ASTN2: variants seen among roughly 807,000 people sequenced by gnomAD.
The protein encoded by ASTN2 is astrotactin-2.
Under a neutral mutation model 139.8 loss-of-function variants are expected in ASTN2, and 54 were observed. The ratio of observed to expected loss-of-function variants is 0.39; its 90% CI spans 0.31 to 0.48. The LOEUF is 0.48. ASTN2 is among the 20% of genes least tolerant of loss of function. The probability of loss-of-function intolerance (pLI) is 0.95; values close to 1 mark genes in which losing one functional copy is unlikely to be tolerated. For synonymous variants in ASTN2, 756 were observed against 719.5 expected (o/e 1.05, Z -0.81); for missense variants, 1,565 against 1,725.1 (o/e 0.91, Z 1.64).
chr9:117,003,953 C>CGCGCGCGCGCGCGCGCGTGTGTGTGTGT (rs1218309835), intron 7 of ASTN2, among the ~76,000 whole-genome samples: 2 of 146,226 alleles, frequency 1.4e-5, no homozygotes, highest in African/African-American at 5.2e-5. Flanking sequence ...CGCGCGCGCG[C>CGCGCGCGCGCGCGCGCGTGTGTGTGTGT]GTGTGTGTGT....
intron 10 of ASTN2, among the ~76,000 whole-genome samples, chr9:116,901,024 AG>A (rs1336873066): frequency 6.6e-6 from 1 of 152,182 alleles, no homozygotes; most frequent in Non-Finnish European, 1.5e-5. Context: ...AGTTAAACAT[AG>A]AATGAGTGGC....
intron 19 of ASTN2, among the ~76,000 whole-genome samples, chr9:116,530,147 ATAT>A (rs1564345850): frequency 2.9e-3 from 74 of 25,422 alleles, no homozygotes; most frequent in Non-Finnish European, 3.1e-3. Context: ...ATATATATAT[ATAT>A]AAAATAGAAT....
At chr9:116,840,259 G>C (rs201071444) in intron 11 of ASTN2, among the ~76,000 whole-genome samples, 28 of 150,010 alleles carry the variant, frequency 1.9e-4, no homozygotes, top group East Asian at 1.5e-3. Context: ...AAAATGAAAA[G>C]TCTCCCATGT....
Position 117,311,350 on chromosome 9 carries a change from G to A in ASTN2, c.443-19837C>T, listed in dbSNP as rs548140791. On this transcript the variant is annotated intron_variant, in intron 1 of 22. Transcript: ENST00000313400. ...TCTCCGGCAGACCCTGTTAGTGACC[G>A]GTCTGGAATGATTTTCAGAGCCCTG... Among the ~76,000 whole-genome samples, 22 of 152,142 alleles carry A rather than the reference G, an allele frequency of 1.4e-4. No homozygotes were observed. The East Asian group carries it at 1.7e-3, about 12-fold the overall frequency.
intron 19 of ASTN2, among the ~76,000 whole-genome samples, chr9:116,490,753 G>A (rs762089790): frequency 1.3e-5 from 2 of 152,004 alleles, no homozygotes; most frequent in Non-Finnish European, 2.9e-5. Context: ...GAACAGCATG[G>A]GGTAACCACC....
chr9:116,664,811 C>T (rs1030519525), intron 16 of ASTN2, among the ~76,000 whole-genome samples: 1 of 152,032 alleles, frequency 6.6e-6, no homozygotes, highest in East Asian at 1.9e-4. Flanking sequence ...AAATGATCTG[C>T]GAATCTAGAC....
At chr9:116,783,465 T>C (rs903253779) in intron 13 of ASTN2, among the ~76,000 whole-genome samples, 1 of 152,120 alleles carries the variant, frequency 6.6e-6, no homozygotes, top group African/African-American at 2.4e-5. Flanking sequence ...CATGGCTCTG[T>C]CTTGGGAGTG....
At chr9:117,058,974 T>A (rs1313854700) in intron 5 of ASTN2, among the ~76,000 whole-genome samples, 1 of 152,168 alleles carries the variant, frequency 6.6e-6, no homozygotes, top group Non-Finnish European at 1.5e-5. Flanking sequence ...GGCCAGTTAA[T>A]GAGTTTGATC....
chr9:117,333,354 G>A (rs915717330), intron 1 of ASTN2, among the ~76,000 whole-genome samples: 1 of 152,062 alleles, frequency 6.6e-6, no homozygotes, highest in Non-Finnish European at 1.5e-5. Context: ...TCTTGCAAAG[G>A]AAAATTTAAT....
intron 18 of ASTN2, 110 bp downstream of exon 18, chr9:116,620,200 T>A: frequency 6.7e-7 from 1 of 1,496,318 alleles, no homozygotes; most frequent in Middle Eastern, 2.1e-4. Flanking sequence ...TCTTTGAGGA[T>A]CTTGTTAGGC....
intron 16 of ASTN2, among the ~76,000 whole-genome samples, chr9:116,668,672 G>A (rs1859016450): frequency 6.6e-6 from 1 of 152,190 alleles, no homozygotes; most frequent in African/African-American, 2.4e-5. Context: ...GAATAAAGCT[G>A]ATATAAATAT....
intron 3 of ASTN2, among the ~76,000 whole-genome samples, chr9:117,191,227 C>CAAAAAAAAAA (rs35328157): frequency 3.2e-5 from 2 of 62,484 alleles, no homozygotes; most frequent in African/African-American, 5.6e-5. Flanking sequence ...TACAAAATAG[C>CAAAAAAAAAA]AAAAAAAAAA....
At chr9:116,742,205 A>T (rs1234065969) in intron 13 of ASTN2, among the ~76,000 whole-genome samples, 1 of 152,234 alleles carries the variant, frequency 6.6e-6, no homozygotes, top group Admixed American at 6.5e-5. Context: ...CAAGCTGGAC[A>T]ATAGTTTCAA....
intron 2 of ASTN2, among the ~76,000 whole-genome samples, chr9:117,245,040 G>C (rs908281921): frequency 8.6e-5 from 13 of 151,930 alleles, no homozygotes; most frequent in African/African-American, 2.9e-4. Flanking sequence ...GACATATCAT[G>C]ATACAAGTAG....
intron 11 of ASTN2, among the ~76,000 whole-genome samples, chr9:116,832,070 T>A (rs1014430487): frequency 6.6e-6 from 1 of 152,200 alleles, no homozygotes; most frequent in Admixed American, 6.5e-5. Context: ...TTTGTCAGAT[T>A]CACATCTGAA....
chr9:117,056,138 C>T lies in ASTN2; in HGVS notation c.1277-16173G>A, dbSNP rs189921302. On this transcript the variant is annotated intron_variant, in intron 5 of 22. Coordinates refer to ENST00000313400, the MANE Select transcript of ASTN2 (RefSeq NM_001365068.1). ...AGGTGATTGCAGCTCTGGTTGACAA[C>T]TTCACTGCAGTCTCCTTCGAAGCCC... is the stretch of plus-strand genomic sequence containing the variant. Among the ~76,000 whole-genome samples, 29 of 152,328 alleles carry T rather than the reference C, an allele frequency of 1.9e-4. No individual in the cohort carries two copies. The East Asian group carries it at 5.2e-3, about 27-fold the overall frequency.
At position 116,854,063 on chromosome 9, in the gene ASTN2, C is replaced by T. The variant is rs561077681; in HGVS notation, c.2040+9520G>A. 1.5e-4 allele frequency among the ~76,000 whole-genome samples: 23 copies of T among 152,254 alleles called. No homozygotes were observed. The South Asian group carries it at 3.7e-3, about 25-fold the overall frequency. On this transcript the variant is annotated intron_variant, in intron 11 of 22. Transcript: ENST00000313400. ...CAACCTGCTTTGGCCCAATTTGGCC[C>T]GAATTCCCTGCTCTAGAACTGAGTA...
chr9:117,077,927 G>T (rs1042193500), intron 5 of ASTN2, among the ~76,000 whole-genome samples: 5 of 152,148 alleles, frequency 3.3e-5, no homozygotes, highest in African/African-American at 1.2e-4. Flanking sequence ...ATCTAATGAT[G>T]GGGAACTCAC....
At chr9:117,196,036 G>A (rs763995562) in intron 3 of ASTN2, among the ~76,000 whole-genome samples, 1 of 152,134 alleles carries the variant, frequency 6.6e-6, no homozygotes, top group Non-Finnish European at 1.5e-5. Flanking sequence ...GCTTTTAAGA[G>A]CTCATTGCCG....
Sources: allele counts gnomAD v4.1 joint callset (sites outside exome capture counted in the v4.1 genomes callset), GRCh38; gene constraint gnomAD v4.1.1; transcripts MANE v1.5; gene names NCBI Gene and HGNC (gene_info 2026-07-23, HGNC 2026-07-21).